Variants in SLC1A1 observed in about 807,000 individuals in gnomAD.
The protein encoded by SLC1A1 is solute carrier family 1 member 1.
SLC1A1 carries 43 observed loss-of-function variants against 53.3 expected under a neutral mutation model. That is an observed-to-expected ratio of 0.81 (90% CI 0.63 to 1.04). SLC1A1 has a LOEUF of 1.04. Ranked by LOEUF, SLC1A1 falls within the 50% of genes least tolerant of loss-of-function variation. SLC1A1 has a pLI of 0.00. For synonymous variants in SLC1A1, 307 were observed against 243.2 expected, an observed-to-expected ratio of 1.26 and a Z score of -2.44; for missense variants, 748 against 664.9, an observed-to-expected ratio of 1.12 and a Z score of -1.37.
intron 2 of SLC1A1, among the ~76,000 whole-genome samples, chr9:4,557,597 G>C (rs1209101390): frequency 6.6e-6 from 1 of 151,260 alleles, no homozygotes; most frequent in Admixed American, 6.6e-5. Context: ...ACCAGCCTGG[G>C]CAACATAGTG....
chr9:4,581,772 C>T (rs1044519902), intron 10 of SLC1A1, among the ~76,000 whole-genome samples: 1 of 152,102 alleles, frequency 6.6e-6, no homozygotes, highest in Non-Finnish European at 1.5e-5. Context: ...CCCCAGAAAT[C>T]TCTAATTTAC....
chr9:4,532,757 A>G (rs1225802636), intron 1 of SLC1A1, among the ~76,000 whole-genome samples: 1 of 152,144 alleles, frequency 6.6e-6, no homozygotes, highest in Non-Finnish European at 1.5e-5. Context: ...AACACACATA[A>G]TTGTCAGATT....
At chr9:4,496,971 A>G (rs1820448442) in intron 1 of SLC1A1, among the ~76,000 whole-genome samples, 1 of 152,138 alleles carries the variant, frequency 6.6e-6, no homozygotes, top group Admixed American at 6.6e-5. Flanking sequence ...GGCCTGGGAC[A>G]GTAGAAGACA....
At chr9:4,496,112 G>T (rs941870327) in intron 1 of SLC1A1, among the ~76,000 whole-genome samples, 9 of 152,134 alleles carry the variant, frequency 5.9e-5, no homozygotes, top group Non-Finnish European at 1.3e-4. Flanking sequence ...GAGAAGAGAA[G>T]ACCAAAGACA....
intron 1 of SLC1A1, among the ~76,000 whole-genome samples, chr9:4,503,988 G>A (rs2130803754): frequency 6.6e-6 from 1 of 152,304 alleles, no homozygotes; most frequent in East Asian, 1.9e-4. Context: ...CTTAACTCCT[G>A]GAATGGGGAC....
At chr9:4,564,806 C>T (rs1238372194) in intron 4 of SLC1A1, among the ~76,000 whole-genome samples, 1 of 152,130 alleles carries the variant, frequency 6.6e-6, no homozygotes, top group Non-Finnish European at 1.5e-5. Context: ...TTATCTAAAG[C>T]AACCAGAGGG....
chr9:4,557,087 C>T (rs1026265349), intron 2 of SLC1A1, among the ~76,000 whole-genome samples: 3 of 152,132 alleles, frequency 2.0e-5, no homozygotes, highest in East Asian at 1.9e-4. Flanking sequence ...GTCCAAGTTT[C>T]GGACCCAGAA....
chr9:4,506,253 G>C (rs927806459), intron 1 of SLC1A1, among the ~76,000 whole-genome samples: 3 of 152,184 alleles, frequency 2.0e-5, no homozygotes, highest in Admixed American at 1.3e-4. Context: ...CATCATGCCC[G>C]GCCAAATTAC....
intron 1 of SLC1A1, among the ~76,000 whole-genome samples, chr9:4,491,642 T>C (rs572192441): frequency 1.3e-5 from 2 of 152,318 alleles, no homozygotes; most frequent in Non-Finnish European, 2.9e-5. Context: ...ACCAAGGTTG[T>C]GTGTTTCTAG....
chr9:4,533,816 A>T (rs370927562), intron 1 of SLC1A1, among the ~76,000 whole-genome samples: 2 of 152,074 alleles, frequency 1.3e-5, no homozygotes, highest in Admixed American at 6.6e-5. Context: ...GAAGTAAAGC[A>T]CTCCTCAGCA....
At position 4,564,398 on chromosome 9, in the gene SLC1A1, T is replaced by C. The variant is rs1247856099; in HGVS notation, c.380T>C (p.Ile127Thr). 6.2e-7 allele frequency: 1 copy of C among 1,613,864 alleles called. No individual in the cohort carries two copies. The change falls in exon 4 of 12, where the codon ATT becomes ACT. Residue 127 changes from isoleucine to threonine, a missense_variant. By Grantham distance (89) the Ile-to-Thr change is moderately conservative. Coordinates refer to ENST00000262352, the MANE Select transcript of SLC1A1 (RefSeq NM_004170.6). ...KPGVTQKVGEIARTGSTPEVS... is the reference protein window; with the variant it reads ...KPGVTQKVGETARTGSTPEVS... Reference sequence around the variant, plus strand: ...GGTGTCACCCAGAAAGTGGGTGAAATTGCGAGGACAGGCAGCACCCCTGAA... The same window carrying C: ...GGTGTCACCCAGAAAGTGGGTGAAACTGCGAGGACAGGCAGCACCCCTGAA...
At chr9:4,520,771 C>A (rs72687871) in intron 1 of SLC1A1, among the ~76,000 whole-genome samples, 1 of 152,110 alleles carries the variant, frequency 6.6e-6, no homozygotes, top group Non-Finnish European at 1.5e-5. Context: ...ATTCCAGAGG[C>A]TATATATCTA....
intron 4 of SLC1A1, 27 bp from the exon 5 acceptor site, chr9:4,566,020 T>A (rs1220203709): frequency 6.3e-7 from 1 of 1,599,684 alleles, no homozygotes; most frequent in African/African-American, 1.3e-5. Context: ...TGCCCTAACA[T>A]AATACTGCCT....
intron 1 of SLC1A1, among the ~76,000 whole-genome samples, chr9:4,536,680 A>C (rs537005136): frequency 6.6e-6 from 1 of 152,342 alleles, no homozygotes; most frequent in African/African-American, 2.4e-5. Context: ...TGACCTGGCA[A>C]TCCCATTACT....
intron 2 of SLC1A1, among the ~76,000 whole-genome samples, chr9:4,554,788 T>A (rs939883298): frequency 1.3e-5 from 2 of 152,244 alleles, no homozygotes; most frequent in Non-Finnish European, 2.9e-5. Context: ...ATTTATGTTT[T>A]TAAAGGATCT....
rs1820193301 is a variant in SLC1A1 at position 4,490,576 on chromosome 9, C to T, written c.-104C>T. On this transcript the variant is annotated 5_prime_UTR_variant, in exon 1 of 12. Coordinates refer to ENST00000262352, the MANE Select transcript of SLC1A1 (RefSeq NM_004170.6). ...TGCAGCGGCCGGCTCTCACCTCTCC[C>T]CTGTGCACCCGCATCTCGCCGCGCC... is the stretch of plus-strand genomic sequence containing the variant. The T allele has an allele frequency of 1.1e-6, 1 of 886,606 alleles. No individual in the cohort carries two copies. Among genetic ancestry groups the T allele is most frequent in the South Asian group, 1.4e-5 (1 of 68,982 alleles). The allele number at this position is 886,606 out of a possible 1,614,324, so 54.9% of individuals were successfully genotyped here. A position where few individuals can be genotyped will look rare whatever the true frequency, so the allele number is the denominator to read the frequency against.
chr9:4,491,362 T>G (rs1820231873), intron 1 of SLC1A1, among the ~76,000 whole-genome samples: 1 of 152,218 alleles, frequency 6.6e-6, no homozygotes, highest in Non-Finnish European at 1.5e-5. Flanking sequence ...TCTGAAAAGC[T>G]GCCAGATTCG....
chr9:4,495,118 A>G (rs1430306377), intron 1 of SLC1A1, among the ~76,000 whole-genome samples: 1 of 152,138 alleles, frequency 6.6e-6, no homozygotes, highest in African/African-American at 2.4e-5. Flanking sequence ...GAGCTCATGT[A>G]GCGTGCATCT....
intron 6 of SLC1A1, among the ~76,000 whole-genome samples, chr9:4,571,583 A>G (rs1820055776): frequency 6.6e-6 from 1 of 152,280 alleles, no homozygotes; most frequent in South Asian, 2.1e-4. Context: ...AGGCTGAGGC[A>G]GGAGAATTGC....
Sources: allele counts gnomAD v4.1 joint callset (sites outside exome capture counted in the v4.1 genomes callset), GRCh38; gene constraint gnomAD v4.1.1; transcripts MANE v1.5; gene names NCBI Gene and HGNC (gene_info 2026-07-23, HGNC 2026-07-21).